Variants in LRRTM4 observed in about 807,000 individuals in gnomAD.
LRRTM4 encodes leucine-rich repeat transmembrane neuronal protein 4.
A neutral mutation model predicts 47.6 loss-of-function variants in LRRTM4; 25 were observed. The observed-to-expected ratio is 0.53, with a 90% CI of 0.38 to 0.73. The LOEUF is 0.73. Among genes scored for constraint, LRRTM4 ranks in the 30% least tolerant of loss-of-function variants. LRRTM4 has a pLI of 0.00. For missense variants in LRRTM4, 638 were observed against 713.4 expected (o/e 0.89, Z 1.20); for synonymous variants, 311 against 269.5 (o/e 1.15, Z -1.51).
At chr2:77,037,287 A>C (rs1678869922) in intron 3 of LRRTM4, among the ~76,000 whole-genome samples, 1 of 151,820 alleles carries the variant, frequency 6.6e-6, no homozygotes. Flanking sequence ...AATAACTTTT[A>C]CAAACCATGT....
chr2:76,846,480 T>A (rs941747964), intron 3 of LRRTM4, among the ~76,000 whole-genome samples: 1 of 152,210 alleles, frequency 6.6e-6, no homozygotes, highest in Non-Finnish European at 1.5e-5. Flanking sequence ...TACATGTATA[T>A]GTACATTCTA....
At chr2:76,842,431 T>C (rs1414631895) in intron 3 of LRRTM4, among the ~76,000 whole-genome samples, 1 of 152,232 alleles carries the variant, frequency 6.6e-6, no homozygotes, top group African/African-American at 2.4e-5. Flanking sequence ...AACATACATA[T>C]GATGCTCTTT....
chr2:77,321,090 G>C (rs954461832), intron 3 of LRRTM4, among the ~76,000 whole-genome samples: 1 of 152,008 alleles, frequency 6.6e-6, no homozygotes, highest in Non-Finnish European at 1.5e-5. Flanking sequence ...AGGACAAAAA[G>C]AATATTCAAG....
intron 3 of LRRTM4, among the ~76,000 whole-genome samples, chr2:77,001,086 A>T (rs891122311): frequency 2.0e-5 from 3 of 152,282 alleles, no homozygotes; most frequent in South Asian, 2.1e-4. Context: ...AAGCTAACTA[A>T]CTAAAGTTAT....
Position 77,456,754 on chromosome 2 carries a change from G to A in LRRTM4, c.1551+61564C>T, listed in dbSNP as rs192438511. 3.9e-3 allele frequency among the ~76,000 whole-genome samples: 595 copies of A among 151,914 alleles called. 4 individuals are homozygous for A. Among genetic ancestry groups the A allele is most frequent in the African/African-American group, 0.014 (563 of 41,450 alleles). ...CCTCTTCTTGCCATATCCATGGTGT[G>A]TAGCCTGATCTTATCTTATTCTGTC... On this transcript the variant is annotated intron_variant, in intron 3 of 3. Coordinates refer to ENST00000409884, the MANE Select transcript of LRRTM4 (RefSeq NM_001134745.3).
chr2:77,389,613 T>C (rs79210525), intron 3 of LRRTM4, among the ~76,000 whole-genome samples: 4,600 of 152,248 alleles, frequency 0.03, 87 homozygotes, highest in South Asian at 0.08. Context: ...ATATATTTCC[T>C]GGCTGATTAT....
At chr2:77,154,627 G>T (rs539110032) in intron 3 of LRRTM4, among the ~76,000 whole-genome samples, 1 of 152,172 alleles carries the variant, frequency 6.6e-6, no homozygotes, top group South Asian at 2.1e-4. Context: ...CAGAATTTAC[G>T]CTGAGATGAT....
In LRRTM4 at chr2:77,090,189, G is replaced by C. The variant is rs546184827; in HGVS notation, c.1552-341273C>G. On this transcript the variant is annotated intron_variant, in intron 3 of 3. Transcript: ENST00000409884. ...TTTCGTTCCGTGACTAGCCCTCCCC[G>C]TCCTGCCCAGCAATTTACTCTTAAA... 2.1e-3 allele frequency among the ~76,000 whole-genome samples: 326 copies of C among 152,118 alleles called. 2 individuals carry two copies. The highest frequency in any genetic ancestry group is 4.8e-3 in the Admixed American group (73 of 15,278).
At chr2:77,179,551 CTG>C (rs1249672354) in intron 3 of LRRTM4, among the ~76,000 whole-genome samples, 15 of 152,004 alleles carry the variant, frequency 9.9e-5, no homozygotes, top group Non-Finnish European at 2.1e-4. Flanking sequence ...TTCAAGAAGA[CTG>C]TGTGGATGAG....
At chr2:76,964,797 A>G (rs928862103) in intron 3 of LRRTM4, among the ~76,000 whole-genome samples, 2 of 150,900 alleles carry the variant, frequency 1.3e-5, no homozygotes, top group African/African-American at 4.8e-5. Context: ...GAAATAAAAA[A>G]CAATTAATAA....
intron 3 of LRRTM4, among the ~76,000 whole-genome samples, chr2:76,830,078 A>T (rs1325410528): frequency 1.3e-5 from 2 of 151,954 alleles, no homozygotes; most frequent in East Asian, 3.9e-4. Context: ...TATAAAATGA[A>T]CCTTCCCCAA....
At chr2:77,168,445 A>G (rs773716370) in intron 3 of LRRTM4, among the ~76,000 whole-genome samples, 14 of 152,016 alleles carry the variant, frequency 9.2e-5, no homozygotes, top group Admixed American at 2.0e-4. Context: ...ATAATTATAC[A>G]TATTTATGGG....
chr2:77,413,994 GATTC>G (rs879797099), intron 3 of LRRTM4, among the ~76,000 whole-genome samples: 4 of 151,990 alleles, frequency 2.6e-5, no homozygotes, highest in Admixed American at 2.6e-4. Context: ...CTACAAATCC[GATTC>G]ATTACACTGG....
intron 3 of LRRTM4, among the ~76,000 whole-genome samples, chr2:77,029,144 T>C (rs1480475704): frequency 6.7e-6 from 1 of 149,968 alleles, no homozygotes; most frequent in Non-Finnish European, 1.5e-5. Context: ...ATCTATGAGT[T>C]AGTAGACAAG....
intron 3 of LRRTM4, among the ~76,000 whole-genome samples, chr2:76,873,506 G>GTGTATGTATA (rs367573475): frequency 8.9e-6 from 1 of 112,312 alleles, no homozygotes; most frequent in Admixed American, 9.6e-5. Flanking sequence ...ATATATGTGT[G>GTGTATGTATA]TATATATATA....
At chr2:77,459,959 A>G (rs767416168) in intron 3 of LRRTM4, among the ~76,000 whole-genome samples, 1 of 150,178 alleles carries the variant, frequency 6.7e-6, no homozygotes, top group Non-Finnish European at 1.5e-5. Context: ...TTACAATGCC[A>G]TTTCATCAAG....
intron 3 of LRRTM4, among the ~76,000 whole-genome samples, chr2:77,007,629 C>T (rs531427174): frequency 6.6e-6 from 1 of 152,246 alleles, no homozygotes; most frequent in Admixed American, 6.6e-5. Context: ...GTACATTTGG[C>T]TGACATATTA....
intron 3 of LRRTM4, among the ~76,000 whole-genome samples, chr2:77,407,300 T>C (rs1050106599): frequency 6.6e-6 from 1 of 152,038 alleles, no homozygotes; most frequent in Non-Finnish European, 1.5e-5. Context: ...TTTACCTTTA[T>C]ATTATTTTCA....
chr2:76,797,061 A>C (rs1675373555), intron 3 of LRRTM4, among the ~76,000 whole-genome samples: 1 of 152,162 alleles, frequency 6.6e-6, no homozygotes. Context: ...ATCCAGGAGA[A>C]CTTCCCCAAT....
Sources: allele counts gnomAD v4.1 joint callset (sites outside exome capture counted in the v4.1 genomes callset), GRCh38; gene constraint gnomAD v4.1.1; transcripts MANE v1.5; gene names NCBI Gene and HGNC (gene_info 2026-07-23, HGNC 2026-07-21).